ELMOD3: variants seen among roughly 807,000 people sequenced by gnomAD.
ELMOD3 encodes the protein ELMO domain containing 3.
In ELMOD3, 36 loss-of-function variants were observed where a neutral mutation model predicts 47.4. That is an observed-to-expected ratio of 0.76 (90% CI 0.58 to 1.00). The LOEUF (loss-of-function observed/expected upper bound fraction) is 1.00, where lower values mean the gene tolerates loss of function less well. ELMOD3 is among the 50% of genes least tolerant of loss of function. ELMOD3 has a pLI of 0.00. For missense variants in ELMOD3, 404 were observed against 463.8 expected, an observed-to-expected ratio of 0.87 and a Z score of 1.18; for synonymous variants, 149 against 183.5, an observed-to-expected ratio of 0.81 and a Z score of 1.52.
intron 9 of ELMOD3, 53 bp from the exon 10 acceptor site, chr2:85,371,387 G>C: frequency 6.2e-7 from 1 of 1,610,064 alleles, no homozygotes. Flanking sequence ...AGAAGCACCC[G>C]GTTCTCCCAT....
chr2:85,367,916 C>CTT (rs1202869090), intron 6 of ELMOD3, among the ~76,000 whole-genome samples: 3 of 141,322 alleles, frequency 2.1e-5, no homozygotes, highest in Non-Finnish European at 3.1e-5. Flanking sequence ...CTTTTCTTTT[C>CTT]TTTTTTTTTT....
chr2:85,376,383 C>T lies in ELMOD3; in HGVS notation c.608-961C>T, dbSNP rs1573125100. Among the ~76,000 whole-genome samples the T allele has an allele frequency of 6.6e-6, 1 of 152,162 alleles. No homozygotes were observed. The highest frequency in any genetic ancestry group is 1.5e-5 in the Non-Finnish European group (1 of 68,030). On this transcript the variant is annotated intron_variant, in intron 10 of 13. Transcript: ENST00000409013. The surrounding 1 kb of genome is among the most constrained non-coding windows in gnomAD (Gnocchi z 4.2). The stretch of plus-strand genomic sequence containing the variant: ...AAGGAGGGACGTCACCATGTTACTG[C>T]CAGGTGGGGGTGGAAGTCCGGGTAT...
At chr2:85,367,064 T>C (rs1202988810) in intron 6 of ELMOD3, among the ~76,000 whole-genome samples, 1 of 152,210 alleles carries the variant, frequency 6.6e-6, no homozygotes, top group African/African-American at 2.4e-5. Flanking sequence ...TCTGCTCTTC[T>C]TTTTTTCTCC....
Position 85,377,244 on chromosome 2 carries a change from G to A in ELMOD3, c.608-100G>A, listed in dbSNP as rs1468388841. Reference sequence around the variant, plus strand: ...AGTGGACGTGTGCTGCTCATGCTCCGCTAGCCTGGGAAGAGGCCAGTGTCA... The same window carrying A: ...AGTGGACGTGTGCTGCTCATGCTCCACTAGCCTGGGAAGAGGCCAGTGTCA... On this transcript the variant is annotated intron_variant, in intron 10 of 13. Coordinates refer to ENST00000409013, the MANE Select transcript of ELMOD3 (RefSeq NM_001135022.2). The A allele has an allele frequency of 2.1e-5, 24 of 1,140,014 alleles. No individual in the cohort carries two copies. The East Asian group carries it at 5.8e-4, about 27-fold the overall frequency. 70.6% of individuals were successfully genotyped at this position (1,140,014 alleles called of 1,614,324 possible).
chr2:85,382,521 C>CTTTTCTTTT (rs1685634076), intron 11 of ELMOD3, among the ~76,000 whole-genome samples: 1 of 143,210 alleles, frequency 7.0e-6, no homozygotes, highest in Non-Finnish European at 1.5e-5. Flanking sequence ...GTCACAAGGA[C>CTTTTCTTTT]TTTTTTTTTT....
intron 11 of ELMOD3, 133 bp downstream of exon 11, chr2:85,377,607 A>G (rs1028525665): frequency 9.6e-6 from 9 of 942,204 alleles, no homozygotes; most frequent in Non-Finnish European, 1.4e-5. Context: ...GCATTGAAAT[A>G]TGAGCTGTAC....
intron 4 of ELMOD3, among the ~76,000 whole-genome samples, chr2:85,358,948 A>T (rs1040959314): frequency 3.3e-5 from 5 of 152,220 alleles, no homozygotes; most frequent in African/African-American, 1.2e-4. Flanking sequence ...ATAAAATGGT[A>T]AAATAGTGTA....
Position 85,360,266 on chromosome 2 carries a change from CAAA to C in ELMOD3, c.55-1902_55-1900del, listed in dbSNP as rs753285939. Reference sequence around the variant, plus strand: ...GGGCAACAAGAGCAAAACTCCATCTCAAAAAAAAAAAAAAAAAAAAGCCACCAT... The same window carrying C: ...GGGCAACAAGAGCAAAACTCCATCTCAAAAAAAAAAAAAAAAAGCCACCAT... On this transcript the variant is annotated intron_variant, in intron 4 of 13. Transcript: ENST00000409013. Among the ~76,000 whole-genome samples the C allele has an allele frequency of 2.1e-3, 109 of 51,500 alleles. 1 individual carries two copies. In the East Asian group the frequency reaches 0.037, roughly 18 times the overall value. 33.8% of individuals were successfully genotyped at this position (51,500 alleles called of 152,430 possible). A position where few individuals can be genotyped will look rare whatever the true frequency, so the allele number is the denominator to read the frequency against.
At chr2:85,377,937 T>C (rs1474323297) in intron 11 of ELMOD3, among the ~76,000 whole-genome samples, 1 of 152,164 alleles carries the variant, frequency 6.6e-6, no homozygotes, top group Admixed American at 6.5e-5. Flanking sequence ...TTTGTCTTGA[T>C]TGGCTAGCAA....
intron 9 of ELMOD3, 77 bp from the exon 10 acceptor site, chr2:85,371,363 T>C (rs1323321630): frequency 2.5e-6 from 4 of 1,603,486 alleles, no homozygotes. Context: ...ACAGTCCAGA[T>C]CTCACATTCT....
At chr2:85,371,676 T>C in intron 10 of ELMOD3, 114 bp downstream of exon 10, 2 of 1,476,736 alleles carry the variant, frequency 1.4e-6, no homozygotes, top group Admixed American at 2.0e-5. Flanking sequence ...GGGGGAGTAT[T>C]CCGGGAAGAG....
At chr2:85,361,940 A>AG (rs1683998437) in intron 4 of ELMOD3, among the ~76,000 whole-genome samples, 1 of 151,974 alleles carries the variant, frequency 6.6e-6, no homozygotes, top group Non-Finnish European at 1.5e-5. Context: ...CAAAAAAAAA[A>AG]AAGAAAAAGT....
chr2:85,378,460 A>G (rs922568156), intron 11 of ELMOD3, among the ~76,000 whole-genome samples: 6 of 152,232 alleles, frequency 3.9e-5, no homozygotes, highest in Non-Finnish European at 7.3e-5. Flanking sequence ...ATCAATTAAC[A>G]TATGTAAGAA....
chr2:85,362,216 T>C lies in ELMOD3; in HGVS notation c.85T>C (p.Ser29Pro). ...AAGATTGTCTGCTGGATATTCTCCA[T>C]CATATGACAAGGACAAGAGTGTTCT... ...GERLSAGYSPSYDKDKSVLAF... is the reference protein window; with the variant it reads ...GERLSAGYSPPYDKDKSVLAF... Residue 29 changes from serine to proline, a missense_variant, in exon 5 of 14, where the codon TCA (serine) becomes CCA (proline). By Grantham distance (74) the Ser-to-Pro change is moderately conservative (BLOSUM62 -1). Coordinates refer to ENST00000409013, the MANE Select transcript of ELMOD3 (RefSeq NM_001135022.2). The C allele has an allele frequency of 6.2e-7, 1 of 1,607,314 alleles. No individual in the cohort carries two copies. Among genetic ancestry groups the C allele is most frequent in the Non-Finnish European group, 8.5e-7 (1 of 1,173,786 alleles).
Position 85,391,344 on chromosome 2 carries a change from A to T in ELMOD3, c.*382A>T. ...CCAAGTAGAGGCAGCCAGAATTCTG[A>T]CTCCCTGGCAGCAGCAGGGCTTTCA... On this transcript the variant is annotated 3_prime_UTR_variant, in exon 14 of 14. Coordinates refer to ENST00000409013, the MANE Select transcript of ELMOD3 (RefSeq NM_001135022.2). The T allele has an allele frequency of 5.6e-6, 1 of 180,038 alleles. No homozygotes were observed. Among genetic ancestry groups the T allele is most frequent in the Non-Finnish European group, 1.2e-5 (1 of 85,574 alleles). 11.2% of individuals were successfully genotyped at this position (180,038 alleles called of 1,614,324 possible).
At chr2:85,364,825 A>ATATATTTTTTTTTT (rs375582916) in intron 6 of ELMOD3, among the ~76,000 whole-genome samples, 1 of 69,892 alleles carries the variant, frequency 1.4e-5, no homozygotes, top group African/African-American at 6.7e-5. Flanking sequence ...ATATATATAT[A>ATATATTTTTTTTTT]TTTTTTTTTT....
At chr2:85,367,146 C>G (rs1302591004) in intron 6 of ELMOD3, among the ~76,000 whole-genome samples, 1 of 152,198 alleles carries the variant, frequency 6.6e-6, no homozygotes, top group Non-Finnish European at 1.5e-5. Flanking sequence ...GTGTCAAGCT[C>G]TGTGCTAGCC....
At chr2:85,361,824 G>C (rs889819927) in intron 4 of ELMOD3, among the ~76,000 whole-genome samples, 4 of 152,046 alleles carry the variant, frequency 2.6e-5, no homozygotes, top group African/African-American at 9.7e-5. Flanking sequence ...CCAGCTACTC[G>C]GAAGGCTGAG....
rs1489076287 is a variant in ELMOD3 at position 85,368,591 on chromosome 2, A to T, written c.200-95A>T. 4 of 1,287,174 alleles carry T rather than the reference A, an allele frequency of 3.1e-6. No individual in the cohort carries two copies. The African/African-American group carries it at 4.5e-5, about 14-fold the overall frequency. 79.7% of individuals were successfully genotyped at this position (1,287,174 alleles called of 1,614,324 possible). A position where few individuals can be genotyped will look rare whatever the true frequency, so the allele number is the denominator to read the frequency against. On this transcript the variant is annotated intron_variant, in intron 6 of 13. Transcript: ENST00000409013. ...TGACACCCCATCTCTTAAAAAAAAA[A>T]ATAGGCCCAAGGCAGGCAGACAAGG...
Sources: gnomAD v4.1 joint callset for allele counts (sites outside exome capture counted in the v4.1 genomes callset) on GRCh38, gnomAD v4.1.1 for gene constraint, Gnocchi (gnomAD v3.1) non-coding constraint, MANE v1.5 for transcripts, NCBI Gene and HGNC (gene_info 2026-07-23, HGNC 2026-07-21) for gene names.